The following PPM1H variants were observed in gnomAD, a reference collection of about 807,000 sequenced individuals.
PPM1H encodes protein phosphatase 1H.
PPM1H carries 27 observed loss-of-function variants against 54.9 expected under a neutral mutation model. The ratio of observed to expected loss-of-function variants is 0.49; its 90% CI spans 0.36 to 0.68. The LOEUF (loss-of-function observed/expected upper bound fraction) is 0.68, where lower values mean the gene tolerates loss of function less well. PPM1H is among the 30% of genes least tolerant of loss of function. PPM1H has a pLI of 0.00. For synonymous variants in PPM1H, 305 were observed against 270.8 expected (o/e 1.13, Z -1.24); for missense variants, 596 against 667.8 (o/e 0.89, Z 1.19).
At chr12:62,700,107 C>T (rs2076135841) in intron 6 of PPM1H, among the ~76,000 whole-genome samples, 2 of 152,022 alleles carry the variant, frequency 1.3e-5, no homozygotes, top group African/African-American at 2.4e-5. Context: ...CCACCTGCCC[C>T]GATGACTTCA....
intron 6 of PPM1H, among the ~76,000 whole-genome samples, chr12:62,709,940 C>T (rs138510992): frequency 1.7e-3 from 262 of 152,190 alleles, no homozygotes; most frequent in African/African-American, 5.9e-3. Flanking sequence ...CGTGGTGGCA[C>T]ATGCCTGTAA....
intron 4 of PPM1H, among the ~76,000 whole-genome samples, chr12:62,768,703 A>G (rs1012364711): frequency 9.9e-5 from 15 of 152,028 alleles, no homozygotes; most frequent in African/African-American, 3.6e-4. Flanking sequence ...GTGCGAAATG[A>G]GAGAACTTTG....
chr12:62,914,836 C>T (rs1032091772), intron 1 of PPM1H, among the ~76,000 whole-genome samples: 12 of 152,162 alleles, frequency 7.9e-5, no homozygotes, highest in African/African-American at 2.9e-4. Context: ...GAAGGGTATG[C>T]GCTAGATGTC....
intron 9 of PPM1H, among the ~76,000 whole-genome samples, chr12:62,650,856 T>C (rs538043183): frequency 6.6e-5 from 10 of 152,198 alleles, no homozygotes; most frequent in African/African-American, 2.4e-4. Context: ...GTCCCTCTCC[T>C]GACATGTAGG....
chr12:62,809,980 C>A (rs1013057087), intron 2 of PPM1H, among the ~76,000 whole-genome samples: 2 of 152,082 alleles, frequency 1.3e-5, no homozygotes, highest in Admixed American at 1.3e-4. Flanking sequence ...CTGCTTGGAT[C>A]ACCTCAGCCC....
chr12:62,800,861 G>A (rs2076764074), intron 3 of PPM1H, among the ~76,000 whole-genome samples: 1 of 152,244 alleles, frequency 6.6e-6, no homozygotes, highest in Non-Finnish European at 1.5e-5. Flanking sequence ...GCCAGGCAGA[G>A]GGGCAGCAAG....
At chr12:62,729,227 T>G (rs909495007) in intron 5 of PPM1H, among the ~76,000 whole-genome samples, 3 of 152,076 alleles carry the variant, frequency 2.0e-5, no homozygotes, top group Non-Finnish European at 2.9e-5. Flanking sequence ...GGTCACACAC[T>G]GAAGAGGATC....
At position 62,647,618 on chromosome 12, in the gene PPM1H, C is replaced by T. The variant is rs2075793322; in HGVS notation, c.*871G>A. 1 of 152,218 alleles carries T rather than the reference C, an allele frequency of 6.6e-6. No homozygotes were observed. Among genetic ancestry groups the T allele is most frequent in the Non-Finnish European group, 1.5e-5 (1 of 68,052 alleles). 9.4% of individuals were successfully genotyped at this position (152,218 alleles called of 1,614,324 possible). A position where few individuals can be genotyped will look rare whatever the true frequency, so the allele number is the denominator to read the frequency against. ...AGAACCCTTGAGCCACACAGGAAGA[C>T]CACTGAAGACAACAGAGGAACTACT... On this transcript the variant is annotated 3_prime_UTR_variant, in exon 10 of 10. Coordinates refer to ENST00000228705, the MANE Select transcript of PPM1H (RefSeq NM_020700.2).
intron 1 of PPM1H, among the ~76,000 whole-genome samples, chr12:62,868,384 G>A (rs1438761147): frequency 2.6e-5 from 4 of 152,170 alleles, no homozygotes; most frequent in Non-Finnish European, 5.9e-5. Context: ...AGCCTTCCCT[G>A]CCTCGGCGAC....
chr12:62,735,094 G>A (rs2076343542), intron 5 of PPM1H, among the ~76,000 whole-genome samples: 1 of 152,146 alleles, frequency 6.6e-6, no homozygotes, highest in Non-Finnish European at 1.5e-5. Flanking sequence ...TATAATAGAG[G>A]CAAGGAAGGC....
chr12:62,788,059 G>A (rs1184726570), intron 4 of PPM1H, among the ~76,000 whole-genome samples, 167 bp downstream of exon 4: 2 of 152,214 alleles, frequency 1.3e-5, no homozygotes, highest in African/African-American at 2.4e-5. Flanking sequence ...GCATAAGTAA[G>A]AGACTGCCTT....
chr12:62,755,154 C>T (rs1445100632), intron 4 of PPM1H: 2 of 497,894 alleles, frequency 4.0e-6, no homozygotes, highest in African/African-American at 3.9e-5. Context: ...ACATAAGTAG[C>T]TCTCTGCTCC....
intron 4 of PPM1H, chr12:62,755,965 C>A: frequency 2.9e-6 from 3 of 1,018,908 alleles, no homozygotes; most frequent in South Asian, 1.3e-5. Context: ...TGGGCCTGAA[C>A]TGCTGTCTGG....
At chr12:62,880,167 A>C (rs1870338450) in intron 1 of PPM1H, among the ~76,000 whole-genome samples, 1 of 152,232 alleles carries the variant, frequency 6.6e-6, no homozygotes, top group African/African-American at 2.4e-5. Flanking sequence ...ATATACACAC[A>C]CACATAAATA....
intron 1 of PPM1H, among the ~76,000 whole-genome samples, chr12:62,921,735 G>C (rs1871806899): frequency 6.6e-6 from 1 of 152,080 alleles, no homozygotes; most frequent in Non-Finnish European, 1.5e-5. Context: ...TTGTGCCTGT[G>C]AACAGCTATT....
intron 1 of PPM1H, among the ~76,000 whole-genome samples, chr12:62,835,054 G>C (rs1387434096): frequency 6.6e-6 from 1 of 152,068 alleles, no homozygotes; most frequent in Non-Finnish European, 1.5e-5. Flanking sequence ...CTGACCACTG[G>C]CACCTAATCT....
chr12:62,751,543 G>T (rs575611162), intron 4 of PPM1H, among the ~76,000 whole-genome samples: 1 of 152,334 alleles, frequency 6.6e-6, no homozygotes, highest in South Asian at 2.1e-4. Context: ...TTGGAAAAGG[G>T]AAAATAATTT....
chr12:62,775,049 G>A (rs2076602027), intron 4 of PPM1H, among the ~76,000 whole-genome samples: 1 of 152,180 alleles, frequency 6.6e-6, no homozygotes, highest in African/African-American at 2.4e-5. Context: ...TGAGAATAGG[G>A]GCCCTGCAAC....
chr12:62,795,944 G>C (rs1242183185), intron 3 of PPM1H, among the ~76,000 whole-genome samples: 2 of 151,220 alleles, frequency 1.3e-5, no homozygotes, highest in African/African-American at 4.9e-5. Context: ...GGTTAGGCTG[G>C]TCTCGAACTC....
Sources: gnomAD v4.1 joint callset for allele counts (sites outside exome capture counted in the v4.1 genomes callset) on GRCh38, gnomAD v4.1.1 for gene constraint, MANE v1.5 for transcripts, NCBI Gene and HGNC (gene_info 2026-07-23, HGNC 2026-07-21) for gene names.